SAMD5: variants seen among roughly 807,000 people sequenced by gnomAD.
SAMD5 encodes the protein sterile alpha motif domain containing 5.
A neutral mutation model predicts 11.3 loss-of-function variants in SAMD5; 13 were observed. That is an observed-to-expected ratio of 1.15 (90% CI 0.75 to 1.83). The LOEUF (loss-of-function observed/expected upper bound fraction) is 1.83. SAMD5 is among the 40% of genes most tolerant of loss of function. The probability of loss-of-function intolerance (pLI) is 0.00; values close to 1 mark genes in which losing one functional copy is unlikely to be tolerated. For synonymous variants in SAMD5, 129 were observed against 111.3 expected (o/e 1.16, Z -1.00); for missense variants, 255 against 239.1 (o/e 1.07, Z -0.44).
At chr6:147,821,011 G>T in the SAMD5 span, among the ~76,000 whole-genome samples, 1 of 152,174 alleles carries the variant, frequency 6.6e-6, no homozygotes, top group Non-Finnish European at 1.5e-5. Context: ...TAAAGTTCTA[G>T]TTATCAGTTA....
the SAMD5 span, among the ~76,000 whole-genome samples, chr6:147,843,914 G>A: frequency 1.3e-3 from 194 of 152,150 alleles, 1 homozygote; most frequent in East Asian, 0.014. Context: ...GGGGAAAACC[G>A]GCATTACATT....
chr6:147,892,244 C>T, the SAMD5 span, among the ~76,000 whole-genome samples: 2 of 152,206 alleles, frequency 1.3e-5, no homozygotes, highest in Non-Finnish European at 2.9e-5. Flanking sequence ...GGAAATACAG[C>T]AGTGACCTCG....
Position 147,542,524 on chromosome 6 carries a change from G to T in SAMD5, c.460-21870G>T, listed in dbSNP as rs543907929. 1.4e-4 allele frequency among the ~76,000 whole-genome samples: 22 copies of T among 152,266 alleles called. No individual in the cohort carries two copies. The South Asian group carries it at 2.9e-3, about 20-fold the overall frequency. On this transcript the variant is annotated intron_variant, in intron 1 of 1. Transcript: ENST00000367474. ...AGTTTTTAAGGATAACTTGGTGGGT[G>T]GGGGGAAGCCAGTGAGCCAGGAGTG...
intron 1 of SAMD5, among the ~76,000 whole-genome samples, chr6:147,586,300 T>C (rs901838152): frequency 6.6e-6 from 1 of 152,158 alleles, no homozygotes. Context: ...GTGTGTGTAT[T>C]TGGAAAGCTC....
chr6:147,943,864 A>G, the SAMD5 span, among the ~76,000 whole-genome samples: 1 of 152,088 alleles, frequency 6.6e-6, no homozygotes, highest in African/African-American at 2.4e-5. Context: ...CTGCATGTGT[A>G]AAAACTGAAC....
chr6:147,800,303 T>C, the SAMD5 span, among the ~76,000 whole-genome samples: 1 of 152,226 alleles, frequency 6.6e-6, no homozygotes, highest in Non-Finnish European at 1.5e-5. Flanking sequence ...GACCCTCAGC[T>C]GCAGGTCTGT....
chr6:147,745,558 T>A, the SAMD5 span, among the ~76,000 whole-genome samples: 1 of 152,306 alleles, frequency 6.6e-6, no homozygotes, highest in East Asian at 1.9e-4. Flanking sequence ...GATGTATGCA[T>A]CAGACAAATC....
chr6:147,584,143 T>G (rs1019400432), intron 1 of SAMD5, among the ~76,000 whole-genome samples: 23 of 152,236 alleles, frequency 1.5e-4, no homozygotes, highest in African/African-American at 4.8e-4. Context: ...ATTTTTATTA[T>G]TTTTCCTTTA....
At chr6:147,863,969 G>A in the SAMD5 span, among the ~76,000 whole-genome samples, 2 of 150,238 alleles carry the variant, frequency 1.3e-5, no homozygotes, top group African/African-American at 2.5e-5. Context: ...TCAGCGTCCC[G>A]AGTAGCTGGG....
the SAMD5 span, among the ~76,000 whole-genome samples, chr6:147,806,959 CATCTGCAGGGGAGTAAAAG>C: frequency 0.078 from 11,906 of 152,052 alleles, 706 homozygotes; most frequent in African/African-American, 0.16. Context: ...AGAAGGTGGC[CATCTGCAGGGGAGTAAAAG>C]ATCTGCAGGG....
At chr6:147,710,988 G>A (rs1302978390) in intron 1 of SAMD5, among the ~76,000 whole-genome samples, 5 of 151,416 alleles carry the variant, frequency 3.3e-5, no homozygotes, top group African/African-American at 1.2e-4. Context: ...GGGGAGGAGG[G>A]AGGGAGGGAA....
exon 2 of SAMD5, chr6:147,737,356 C>T (rs953537424): frequency 4.0e-6 from 5 of 1,263,990 alleles, no homozygotes; most frequent in Admixed American, 4.8e-5. Context: ...AATTTGCGTG[C>T]TGTTTATTGG....
At chr6:147,633,362 C>A (rs962904562) in intron 1 of SAMD5, among the ~76,000 whole-genome samples, 1 of 152,118 alleles carries the variant, frequency 6.6e-6, no homozygotes, top group African/African-American at 2.4e-5. Context: ...CCCGAGGGCT[C>A]TTTTGGGCTG....
the SAMD5 span, among the ~76,000 whole-genome samples, chr6:147,863,991 G>T: frequency 2.6e-5 from 4 of 151,680 alleles, no homozygotes; most frequent in African/African-American, 9.7e-5. Context: ...TTACAGGCAC[G>T]CACCACCAGA....
rs548287864 is a variant in SAMD5 at position 147,733,555 on chromosome 6, T to G, written c.163-3762T>G. Among the ~76,000 whole-genome samples, 3 of 152,268 alleles carry G rather than the reference T, an allele frequency of 2.0e-5. No individual in the cohort carries two copies. The South Asian group carries it at 6.2e-4, about 32-fold the overall frequency. The stretch of plus-strand genomic sequence containing the variant: ...TTTTTTAGTCACTCCAGTCAGGACT[T>G]GAATCCAACTGTAGTCTCAGGAGTG... On this transcript the variant is annotated intron_variant, in intron 1 of 1. Transcript: ENST00000566741.
At chr6:147,883,928 G>T in the SAMD5 span, among the ~76,000 whole-genome samples, 1 of 152,218 alleles carries the variant, frequency 6.6e-6, no homozygotes, top group East Asian at 1.9e-4. Flanking sequence ...TTAATGAAAG[G>T]TTATTGCTCA....
the SAMD5 span, among the ~76,000 whole-genome samples, chr6:147,755,150 A>G: frequency 6.6e-5 from 10 of 152,230 alleles, no homozygotes; most frequent in African/African-American, 2.2e-4. Flanking sequence ...TGCTTTGGGT[A>G]GTATGGACAT....
the SAMD5 span, among the ~76,000 whole-genome samples, chr6:147,895,123 C>T: frequency 1.4e-4 from 22 of 152,294 alleles, no homozygotes; most frequent in South Asian, 4.6e-3. Context: ...AAAAGTGCAG[C>T]TTAGGAGGAG....
intron 1 of SAMD5, among the ~76,000 whole-genome samples, chr6:147,655,946 T>G (rs1790558211): frequency 6.6e-6 from 1 of 152,194 alleles, no homozygotes; most frequent in African/African-American, 2.4e-5. Context: ...CAGTTATGGA[T>G]ATCTATGGAC....
Sources: allele counts gnomAD v4.1 joint callset (sites outside exome capture counted in the v4.1 genomes callset), GRCh38; gene constraint gnomAD v4.1.1; transcripts MANE v1.5; gene names NCBI Gene and HGNC (gene_info 2026-07-23, HGNC 2026-07-21).